C11orf97: variants seen among roughly 807,000 people sequenced by gnomAD.
C11orf97 encodes the protein uncharacterized protein C11orf97.
In C11orf97, 15 loss-of-function variants were observed where a neutral mutation model predicts 16.2. The observed-to-expected ratio is 0.93, with a 90% CI of 0.62 to 1.43. C11orf97 has a LOEUF of 1.43. Ranked by LOEUF, C11orf97 falls within the 40% of genes most tolerant of loss-of-function variation. The pLI is 0.00. For synonymous variants in C11orf97, 61 were observed against 65.7 expected, an observed-to-expected ratio of 0.93 and a Z score of 0.34; for missense variants, 171 against 161.2, an observed-to-expected ratio of 1.06 and a Z score of -0.33.
In C11orf97 at chr11:94,518,149, G is replaced by GA. The variant is rs370762855; in HGVS notation, c.250+479dup. On this transcript the variant is annotated intron_variant, in intron 2 of 3. Coordinates refer to ENST00000542198, the MANE Select transcript of C11orf97 (RefSeq NM_001190462.2). ...GGTGACAGAGCAAGACTCCATATCAGAAAAAAAAAAAAAAAAAGATCTAGA... is the reference window on the plus strand; with the variant it reads ...GGTGACAGAGCAAGACTCCATATCAGAAAAAAAAAAAAAAAAAAGATCTAGA... Among the ~76,000 whole-genome samples, 263 of 108,936 alleles carry GA rather than the reference G, an allele frequency of 2.4e-3. 4 individuals are homozygous for GA. The highest frequency in any genetic ancestry group is 7.9e-3 in the South Asian group (25 of 3,164). The allele number at this position is 108,936 out of a possible 152,430, so 71.5% of individuals were successfully genotyped here.
At position 94,532,011 on chromosome 11, in the gene C11orf97, C is replaced by T. The variant is rs1947743244; in HGVS notation, c.*111C>T. ...TAAGATGTGTGCAAAAAAATGATAG[C>T]CTGTAATTACTATTATTGGTATTAA... On this transcript the variant is annotated 3_prime_UTR_variant, in exon 4 of 4. Transcript: ENST00000542198. 3.8e-6 allele frequency: 3 copies of T among 793,934 alleles called. No individual in the cohort carries two copies. The highest frequency in any genetic ancestry group is 5.5e-6 in the Non-Finnish European group (3 of 543,992). The allele number at this position is 793,934 out of a possible 1,614,324, so 49.2% of individuals were successfully genotyped here. A position where few individuals can be genotyped will look rare whatever the true frequency, so the allele number is the denominator to read the frequency against.
intron 2 of C11orf97, among the ~76,000 whole-genome samples, chr11:94,527,466 G>A (rs1947708897): frequency 6.6e-6 from 1 of 152,176 alleles, no homozygotes; most frequent in Non-Finnish European, 1.5e-5. Context: ...ATAACCAAGT[G>A]CAAATCTTTG....
Position 94,518,913 on chromosome 11 carries a change from A to AT in C11orf97, c.250+1240dup, listed in dbSNP as rs58382418. Among the ~76,000 whole-genome samples, 782 of 144,302 alleles carry AT rather than the reference A, an allele frequency of 5.4e-3. 9 individuals carry two copies. The highest frequency in any genetic ancestry group is 0.015 in the African/African-American group (595 of 39,174). 94.7% of individuals were successfully genotyped at this position (144,302 alleles called of 152,430 possible). On this transcript the variant is annotated intron_variant, in intron 2 of 3. Coordinates refer to ENST00000542198, the MANE Select transcript of C11orf97 (RefSeq NM_001190462.2). ...ATGATGTATGTTGTGCCCACTTTACATTTTTTTTTTTTTTGGATGGAGTCT... is the reference window on the plus strand; with the variant it reads ...ATGATGTATGTTGTGCCCACTTTACATTTTTTTTTTTTTTTGGATGGAGTCT...
chr11:94,515,405 G>C (rs752548178), intron 1 of C11orf97, among the ~76,000 whole-genome samples: 13 of 152,126 alleles, frequency 8.5e-5, no homozygotes, highest in Non-Finnish European at 1.6e-4. Context: ...AGTGATCACA[G>C]CTTCTCATCC....
intron 3 of C11orf97, among the ~76,000 whole-genome samples, chr11:94,531,016 A>G (rs1466677167): frequency 2.0e-5 from 3 of 152,196 alleles, no homozygotes; most frequent in Non-Finnish European, 4.4e-5. Flanking sequence ...CTCATGAACA[A>G]TGTGATCATG....
At position 94,531,976 on chromosome 11, in the gene C11orf97, T is replaced by C; in HGVS notation, c.*76T>C. 3 of 1,262,108 alleles carry C rather than the reference T, an allele frequency of 2.4e-6. No individual in the cohort carries two copies. Among genetic ancestry groups the C allele is most frequent in the Middle Eastern group, 3.8e-4 (2 of 5,198 alleles). The allele number at this position is 1,262,108 out of a possible 1,614,324, so 78.2% of individuals were successfully genotyped here. ...AGAACGGAGAAGAAACTCAAGCTTGTTTCAGGATTTAAGATGTGTGCAAAA... is the reference window on the plus strand; with the variant it reads ...AGAACGGAGAAGAAACTCAAGCTTGCTTCAGGATTTAAGATGTGTGCAAAA... On this transcript the variant is annotated 3_prime_UTR_variant, in exon 4 of 4. Transcript: ENST00000542198.
intron 2 of C11orf97, among the ~76,000 whole-genome samples, chr11:94,524,139 T>C (rs111351131): frequency 9.8e-4 from 149 of 152,146 alleles, no homozygotes; most frequent in African/African-American, 3.4e-3. Context: ...ATTTGCAGAG[T>C]TTCTTCTGCA....
chr11:94,520,875 A>G (rs564009410), intron 2 of C11orf97, among the ~76,000 whole-genome samples: 11 of 152,300 alleles, frequency 7.2e-5, no homozygotes, highest in East Asian at 3.9e-4. Flanking sequence ...AAATCGTTAC[A>G]TGTCACCTCC....
intron 3 of C11orf97, 147 bp from the exon 4 acceptor site, chr11:94,531,749 T>G (rs1015682805): frequency 1.8e-6 from 1 of 563,158 alleles, no homozygotes; most frequent in African/African-American, 2.0e-5. Context: ...GTGGCTTTTC[T>G]GGTTACTGGG....
At chr11:94,527,752 C>G (rs1350043373) in intron 2 of C11orf97, among the ~76,000 whole-genome samples, 1 of 152,182 alleles carries the variant, frequency 6.6e-6, no homozygotes, top group African/African-American at 2.4e-5. Context: ...AAATCAGAAT[C>G]AGATAAAGTT....
intron 2 of C11orf97, 108 bp downstream of exon 2, chr11:94,517,795 G>T: frequency 1.3e-6 from 1 of 747,886 alleles, no homozygotes. Context: ...AAAAGTTTTT[G>T]GAAAGTTCTT....
chr11:94,513,800 C>T (rs892230523), intron 1 of C11orf97, among the ~76,000 whole-genome samples: 2 of 152,178 alleles, frequency 1.3e-5, no homozygotes, highest in African/African-American at 4.8e-5. Context: ...AGATTCTTTA[C>T]TCCTACTTAA....
intron 3 of C11orf97, among the ~76,000 whole-genome samples, chr11:94,530,936 T>C (rs1205797265): frequency 6.6e-6 from 1 of 152,232 alleles, no homozygotes; most frequent in Non-Finnish European, 1.5e-5. Context: ...TAAAATATGC[T>C]TCAGTTAGAT....
At chr11:94,513,500 T>C (rs923307506) in intron 1 of C11orf97, among the ~76,000 whole-genome samples, 1 of 152,206 alleles carries the variant, frequency 6.6e-6, no homozygotes, top group Non-Finnish European at 1.5e-5. Context: ...CCTTCTTGAC[T>C]GCATCTCTGG....
chr11:94,528,564 T>A (rs1396524971), intron 3 of C11orf97, among the ~76,000 whole-genome samples: 1 of 152,070 alleles, frequency 6.6e-6, no homozygotes, highest in Non-Finnish European at 1.5e-5. Context: ...TGTTTCCCAG[T>A]GGAAATGAGG....
chr11:94,531,468 T>C (rs1340731660), intron 3 of C11orf97, among the ~76,000 whole-genome samples: 1 of 130,898 alleles, frequency 7.6e-6, no homozygotes, highest in Non-Finnish European at 1.6e-5. Flanking sequence ...CAAACGGTAA[T>C]GGTTGATGAC....
intron 3 of C11orf97, among the ~76,000 whole-genome samples, chr11:94,528,412 C>T (rs1947715221): frequency 6.6e-6 from 1 of 152,234 alleles, no homozygotes; most frequent in Non-Finnish European, 1.5e-5. Context: ...AATTTACCCC[C>T]ATGGATACAA....
rs530430191 is a variant in C11orf97, at chr11:94,514,053, G to A, written c.145+1380G>A. ...TTCAACTCCTGGCCTCGAGTGATCC[G>A]CTCGCCTCAGCCTCCCAAAGTGCTG... On this transcript the variant is annotated intron_variant, in intron 1 of 3. Transcript: ENST00000542198. Among the ~76,000 whole-genome samples the A allele has an allele frequency of 2.6e-5, 4 of 152,206 alleles. No homozygotes were observed. The East Asian group carries it at 7.7e-4, about 29-fold the overall frequency.
chr11:94,523,220 A>G (rs563798342), intron 2 of C11orf97, among the ~76,000 whole-genome samples: 2 of 152,308 alleles, frequency 1.3e-5, no homozygotes, highest in South Asian at 4.1e-4. Context: ...TCCTATGTAT[A>G]TTTGAATTTG....
Sources: gnomAD v4.1 joint callset for allele counts (sites outside exome capture counted in the v4.1 genomes callset) on GRCh38, gnomAD v4.1.1 for gene constraint, MANE v1.5 for transcripts, NCBI Gene and HGNC (gene_info 2026-07-23, HGNC 2026-07-21) for gene names.